Variants in CNTNAP4 observed in about 807,000 individuals in gnomAD.
CNTNAP4 encodes contactin associated protein family member 4, also known as contactin-associated protein-like 4.
CNTNAP4 carries 98 observed loss-of-function variants against 148.4 expected under a neutral mutation model. That is an observed-to-expected ratio of 0.66 (90% confidence interval 0.56 to 0.78). The LOEUF is 0.78. Among genes scored for constraint, CNTNAP4 ranks in the 30% least tolerant of loss-of-function variants. The probability of loss-of-function intolerance (pLI) is 0.00; values close to 1 mark genes in which losing one functional copy is unlikely to be tolerated. For synonymous variants in CNTNAP4, 730 were observed against 565.1 expected (o/e 1.29, Z -4.14); for missense variants, 1,935 against 1,565.6 (o/e 1.24, Z -3.98).
At chr16:76,458,697 TCACTTGCCTGCCAGCCACTC>T in intron 8 of CNTNAP4, among the ~76,000 whole-genome samples, 1 of 152,134 alleles carries the variant, frequency 6.6e-6, no homozygotes, top group African/African-American at 2.4e-5. Context: ...AAATACAGCT[TCACTTGCCTGCCAGCCACTC>T]ACCTTCTGCT....
intron 5 of CNTNAP4, among the ~76,000 whole-genome samples, chr16:76,448,512 G>T (rs935150444): frequency 6.6e-6 from 1 of 152,038 alleles, no homozygotes; most frequent in South Asian, 2.1e-4. Flanking sequence ...TGAGGTTGTG[G>T]CAAAGATAAA....
At chr16:76,342,387 T>G (rs1041121575) in intron 2 of CNTNAP4, among the ~76,000 whole-genome samples, 1 of 152,142 alleles carries the variant, frequency 6.6e-6, no homozygotes, top group Non-Finnish European at 1.5e-5. Context: ...AAACAAAGTT[T>G]TTGACATTTA....
At chr16:76,550,560 T>A (rs1280791264) in intron 21 of CNTNAP4, among the ~76,000 whole-genome samples, 2 of 152,152 alleles carry the variant, frequency 1.3e-5, no homozygotes, top group African/African-American at 4.8e-5. Context: ...CTATGGAAAT[T>A]TTATTCAACA....
In CNTNAP4 at chr16:76,325,601, C is replaced by T. The variant is rs144590483; in HGVS notation, c.196+9078C>T. Among the ~76,000 whole-genome samples the T allele has an allele frequency of 5.3e-3, 801 of 152,220 alleles. 7 individuals carry two copies. The highest frequency in any genetic ancestry group is 0.018 in the African/African-American group (759 of 41,540). On this transcript the variant is annotated intron_variant, in intron 2 of 23. Coordinates refer to ENST00000611870, the MANE Select transcript of CNTNAP4 (RefSeq NM_033401.5). ...ATTTTAACTGAATGATAAGAAAATACTGCAAATCAGAATTGTGAGATGCAG... is the reference window on the plus strand; with the variant it reads ...ATTTTAACTGAATGATAAGAAAATATTGCAAATCAGAATTGTGAGATGCAG...
At chr16:76,487,520 G>C (rs1478250417) in intron 12 of CNTNAP4, among the ~76,000 whole-genome samples, 1 of 152,214 alleles carries the variant, frequency 6.6e-6, no homozygotes, top group Non-Finnish European at 1.5e-5. Flanking sequence ...ATGTCTGAAA[G>C]AACAGTAAAG....
intron 9 of CNTNAP4, among the ~76,000 whole-genome samples, chr16:76,463,147 C>T (rs564721715): frequency 1.3e-5 from 2 of 152,246 alleles, no homozygotes; most frequent in South Asian, 4.1e-4. Context: ...GCTTATAAAA[C>T]CTTTTGGAAT....
At chr16:76,375,340 T>A (rs1490137463) in intron 3 of CNTNAP4, among the ~76,000 whole-genome samples, 1 of 152,136 alleles carries the variant, frequency 6.6e-6, no homozygotes, top group African/African-American at 2.4e-5. Context: ...GAGAATCACT[T>A]GAACCTGGGA....
At chr16:76,457,296 T>C (rs2080772582) in intron 8 of CNTNAP4, among the ~76,000 whole-genome samples, 2 of 152,204 alleles carry the variant, frequency 1.3e-5, no homozygotes, top group Admixed American at 6.5e-5. Context: ...AGGGACATTT[T>C]GTGATTTGAG....
At chr16:76,430,820 A>G (rs951090677) in intron 4 of CNTNAP4, among the ~76,000 whole-genome samples, 1 of 152,204 alleles carries the variant, frequency 6.6e-6, no homozygotes, top group Admixed American at 6.5e-5. Context: ...TAACTTCTGC[A>G]GAACTACACA....
intron 3 of CNTNAP4, among the ~76,000 whole-genome samples, chr16:76,421,306 C>G (rs2144998616): frequency 6.6e-6 from 1 of 152,074 alleles, no homozygotes; most frequent in African/African-American, 2.4e-5. Flanking sequence ...AAATTCCATT[C>G]CCTTTAATTT....
chr16:76,554,008 A>C, intron 23 of CNTNAP4, 101 bp downstream of exon 23: 1 of 713,050 alleles, frequency 1.4e-6, no homozygotes, highest in Non-Finnish European at 2.4e-6. Context: ...CACATACTCC[A>C]AGTGCCAGGC....
At chr16:76,290,089 G>C (rs1959053172) in intron 1 of CNTNAP4, among the ~76,000 whole-genome samples, 1 of 152,148 alleles carries the variant, frequency 6.6e-6, no homozygotes, top group African/African-American at 2.4e-5. Context: ...TGGACTCCAA[G>C]GTGGTGAAGT....
chr16:76,351,313 C>G (rs1597284784), intron 2 of CNTNAP4, among the ~76,000 whole-genome samples: 3 of 151,958 alleles, frequency 2.0e-5, no homozygotes, highest in Non-Finnish European at 1.5e-5. Context: ...CTAACCTCAG[C>G]TGCAGTTACG....
intron 1 of CNTNAP4, among the ~76,000 whole-genome samples, chr16:76,282,739 T>C (rs998891058): frequency 2.0e-5 from 3 of 151,946 alleles, no homozygotes; most frequent in Non-Finnish European, 4.4e-5. Context: ...TATTTGAAAT[T>C]GTATTTATTT....
chr16:76,446,691 A>C (rs2080261039), intron 4 of CNTNAP4, among the ~76,000 whole-genome samples: 1 of 152,194 alleles, frequency 6.6e-6, no homozygotes, highest in South Asian at 2.1e-4. Flanking sequence ...GAGAAGACAG[A>C]AAATAGTATT....
intron 2 of CNTNAP4, among the ~76,000 whole-genome samples, chr16:76,348,064 G>A (rs1284483355): frequency 6.6e-6 from 1 of 152,052 alleles, no homozygotes; most frequent in Non-Finnish European, 1.5e-5. Context: ...AATATGGCCT[G>A]AATCAAAGGA....
chr16:76,325,025 C>A (rs1021691450), intron 2 of CNTNAP4, among the ~76,000 whole-genome samples: 2 of 152,094 alleles, frequency 1.3e-5, no homozygotes, highest in African/African-American at 4.8e-5. Context: ...CTGAGAGAAA[C>A]CAAGACAGCC....
chr16:76,427,087 C>A (rs980348491), intron 3 of CNTNAP4, among the ~76,000 whole-genome samples: 1 of 152,048 alleles, frequency 6.6e-6, no homozygotes, highest in African/African-American at 2.4e-5. Context: ...GTTTTTCAAC[C>A]CTTGGAGAAT....
chr16:76,490,071 G>T (rs2082158390), intron 13 of CNTNAP4, among the ~76,000 whole-genome samples, 188 bp downstream of exon 13: 1 of 152,082 alleles, frequency 6.6e-6, no homozygotes, highest in African/African-American at 2.4e-5. Context: ...AAAGAACAAG[G>T]TCAATTTACA....
Sources: gnomAD v4.1 joint callset for allele counts (sites outside exome capture counted in the v4.1 genomes callset) on GRCh38, gnomAD v4.1.1 for gene constraint, MANE v1.5 for transcripts, NCBI Gene and HGNC (gene_info 2026-07-23, HGNC 2026-07-21) for gene names.